The following TUSC3 variants were observed in gnomAD, a reference collection of about 807,000 sequenced individuals.
TUSC3 encodes tumor suppressor candidate 3, also known as dolichyl-diphosphooligosaccharide--protein glycosyltransferase subunit TUSC3.
TUSC3 carries 45 observed loss-of-function variants against 44.8 expected under a neutral mutation model. The ratio of observed to expected loss-of-function variants is 1.00; its 90% CI spans 0.79 to 1.29. TUSC3 has a LOEUF of 1.29. Among genes scored for constraint, TUSC3 ranks in the 50% most tolerant of loss-of-function variants. The pLI is 0.00. For missense variants in TUSC3, 519 were observed against 437.9 expected, an observed-to-expected ratio of 1.19 and a Z score of -1.65; for synonymous variants, 212 against 152.9, an observed-to-expected ratio of 1.39 and a Z score of -2.85.
chr8:15,494,686 C>G (rs1480084422), intron 2 of TUSC3, among the ~76,000 whole-genome samples: 1 of 152,194 alleles, frequency 6.6e-6, no homozygotes, highest in African/African-American at 2.4e-5. Flanking sequence ...AATGTTATGT[C>G]AATACCTGTA....
rs1267285161 is a variant in TUSC3 at position 15,765,468 on chromosome 8, G to A, written c.*1312G>A. ...AGCTATATAGCCTCAAACAAGAAAC[G>A]GGTGTACAACCATTGAGTTTACTTA... On this transcript the variant is annotated 3_prime_UTR_variant, in exon 11 of 11. Coordinates refer to ENST00000503731, the MANE Select transcript of TUSC3 (RefSeq NM_006765.4). 2 of 151,916 alleles carry A rather than the reference G, an allele frequency of 1.3e-5. No homozygotes were observed. Among genetic ancestry groups the A allele is most frequent in the South Asian group, 2.1e-4 (1 of 4,828 alleles). The allele number at this position is 151,916 out of a possible 1,614,324, so 9.4% of individuals were successfully genotyped here.
intron 1 of TUSC3, among the ~76,000 whole-genome samples, chr8:15,567,877 A>C (rs1802733568): frequency 6.6e-6 from 1 of 152,168 alleles, no homozygotes; most frequent in Non-Finnish European, 1.5e-5. Context: ...GATGAATGCC[A>C]TGTTTGCATT....
At chr8:15,667,826 T>C (rs1807738005) in intron 5 of TUSC3, among the ~76,000 whole-genome samples, 1 of 151,724 alleles carries the variant, frequency 6.6e-6, no homozygotes, top group South Asian at 2.1e-4. Flanking sequence ...TGAAAGTTCG[T>C]TGTATAGAAT....
chr8:15,503,829 C>G (rs1385473285), intron 2 of TUSC3, among the ~76,000 whole-genome samples: 2 of 151,858 alleles, frequency 1.3e-5, no homozygotes, highest in African/African-American at 4.8e-5. Flanking sequence ...ATGGCAAAAC[C>G]CATCTCTACT....
At chr8:15,696,974 G>A (rs557106668) in intron 6 of TUSC3, among the ~76,000 whole-genome samples, 8 of 152,042 alleles carry the variant, frequency 5.3e-5, no homozygotes, top group East Asian at 1.9e-4. Flanking sequence ...CTTGCTCCTT[G>A]TTATTGGTCT....
chr8:15,580,964 G>A (rs1462271224), intron 1 of TUSC3, among the ~76,000 whole-genome samples: 2 of 99,026 alleles, frequency 2.0e-5, no homozygotes, highest in Admixed American at 1.1e-4. Context: ...CCAATCAGAC[G>A]TAGATTTGGT....
rs534579582 is a variant in TUSC3 at position 15,549,849 on chromosome 8, C to T, written c.138+9281C>T. On this transcript the variant is annotated intron_variant, in intron 1 of 10. Transcript: ENST00000503731. ...ATACTACCATGATGGTGTAGCAGGA[C>T]GAGCCGCAGACAAGAACCCCTCAGA... 1.1e-4 allele frequency among the ~76,000 whole-genome samples: 16 copies of T among 151,628 alleles called. No individual in the cohort carries two copies. The South Asian group carries it at 2.3e-3, about 22-fold the overall frequency.
At chr8:15,548,102 C>T (rs1411165907) in intron 1 of TUSC3, among the ~76,000 whole-genome samples, 1 of 151,576 alleles carries the variant, frequency 6.6e-6, no homozygotes, top group Non-Finnish European at 1.5e-5. Context: ...CTTGGACTTC[C>T]AGCACCCAGA....
At chr8:15,796,914 G>GGTCAT in the TUSC3 span, among the ~76,000 whole-genome samples, 1 of 152,100 alleles carries the variant, frequency 6.6e-6, no homozygotes, top group African/African-American at 2.4e-5. Context: ...GGCCTCAGTA[G>GGTCAT]GTCATGTTTT....
intron 1 of TUSC3, among the ~76,000 whole-genome samples, chr8:15,478,321 GT>G (rs563402086): frequency 1.3e-5 from 2 of 152,034 alleles, no homozygotes; most frequent in Admixed American, 1.3e-4. Flanking sequence ...GATGTGCAGG[GT>G]TTTTACATAA....
chr8:15,539,034 G>A (rs553937569), upstream of TUSC3, among the ~76,000 whole-genome samples: 5 of 147,140 alleles, frequency 3.4e-5, no homozygotes, highest in East Asian at 2.0e-4. Context: ...TTTTTTTTTC[G>A]TAAAGACAAG....
chr8:15,775,944 G>A, the TUSC3 span, among the ~76,000 whole-genome samples: 2 of 151,636 alleles, frequency 1.3e-5, no homozygotes, highest in Non-Finnish European at 2.9e-5. Flanking sequence ...TGCAGAAAAA[G>A]GAAACATTTA....
chr8:15,610,915 C>G (rs552042231), intron 1 of TUSC3, among the ~76,000 whole-genome samples: 23 of 152,186 alleles, frequency 1.5e-4, no homozygotes, highest in African/African-American at 5.5e-4. Context: ...AGACACATAA[C>G]TAAAAGAGTG....
Position 15,724,230 on chromosome 8 carries a change from G to C in TUSC3, c.799-6436G>C, listed in dbSNP as rs557918758. 6.6e-5 allele frequency among the ~76,000 whole-genome samples: 10 copies of C among 152,160 alleles called. 1 individual carries two copies. The South Asian group carries it at 1.5e-3, about 22-fold the overall frequency. On this transcript the variant is annotated intron_variant, in intron 6 of 10. Coordinates refer to ENST00000503731, the MANE Select transcript of TUSC3 (RefSeq NM_006765.4). ...CAATCCCATTGGCACCTTCATCTTG[G>C]ACTTTGAACCTCTTGAACTGTGAGA...
At chr8:15,546,943 C>G (rs10087425) in intron 1 of TUSC3, among the ~76,000 whole-genome samples, 1 of 151,478 alleles carries the variant, frequency 6.6e-6, no homozygotes, top group Non-Finnish European at 1.5e-5. Context: ...GGCACAAGGT[C>G]AACAGTAAGT....
At chr8:15,842,592 G>T in the TUSC3 span, among the ~76,000 whole-genome samples, 1 of 152,272 alleles carries the variant, frequency 6.6e-6, no homozygotes, top group Admixed American at 6.5e-5. Context: ...TCCTGTGCAT[G>T]CAAAGCAAGA....
intron 1 of TUSC3, among the ~76,000 whole-genome samples, chr8:15,476,762 A>G (rs1482441654): frequency 6.6e-6 from 1 of 152,222 alleles, no homozygotes; most frequent in Non-Finnish European, 1.5e-5. Flanking sequence ...CTGGGGTTTA[A>G]ATACCCTCTA....
At chr8:15,687,464 A>G (rs1229830542) in intron 6 of TUSC3, among the ~76,000 whole-genome samples, 7 of 151,666 alleles carry the variant, frequency 4.6e-5, no homozygotes, top group East Asian at 1.9e-4. Context: ...ATTCCTTTTT[A>G]TTTTTTCATA....
intron 6 of TUSC3, among the ~76,000 whole-genome samples, chr8:15,695,006 G>A (rs1212498506): frequency 6.6e-6 from 1 of 152,210 alleles, no homozygotes; most frequent in Non-Finnish European, 1.5e-5. Flanking sequence ...ACCATTGCCG[G>A]TGTCATAGCA....
Sources: gnomAD v4.1 joint callset for allele counts (sites outside exome capture counted in the v4.1 genomes callset) on GRCh38, gnomAD v4.1.1 for gene constraint, MANE v1.5 for transcripts, NCBI Gene and HGNC (gene_info 2026-07-23, HGNC 2026-07-21) for gene names.